The following PIAS2 variants were observed in gnomAD, a reference collection of about 807,000 sequenced individuals.
PIAS2 encodes the protein E3 SUMO-protein ligase PIAS2.
A neutral mutation model predicts 69.7 loss-of-function variants in PIAS2; 19 were observed. The ratio of observed to expected loss-of-function variants is 0.27; its 90% CI spans 0.19 to 0.40. The LOEUF (loss-of-function observed/expected upper bound fraction) is 0.40, where lower values mean the gene tolerates loss of function less well. PIAS2 is among the 10% of genes least tolerant of loss of function. The pLI is 1.00. For missense variants in PIAS2, 624 were observed against 757.0 expected, an observed-to-expected ratio of 0.82 and a Z score of 2.06; for synonymous variants, 261 against 263.2, an observed-to-expected ratio of 0.99 and a Z score of 0.08.
chr18:46,815,693 C>G, intron 12 of PIAS2: 1 of 992,726 alleles, frequency 1.0e-6, no homozygotes, highest in Middle Eastern at 5.0e-4. Flanking sequence ...TTTGAACCAT[C>G]TAAAAAAAAA....
intron 5 of PIAS2, among the ~76,000 whole-genome samples, chr18:46,851,900 A>C (rs2047022625): frequency 6.6e-6 from 1 of 152,214 alleles, no homozygotes; most frequent in African/African-American, 2.4e-5. Context: ...CACCATATTC[A>C]GAGCTCTAAT....
chr18:46,863,273 T>C (rs892084787), intron 3 of PIAS2, among the ~76,000 whole-genome samples: 5 of 152,178 alleles, frequency 3.3e-5, no homozygotes, highest in South Asian at 2.1e-4. Context: ...ATAAAGCTTA[T>C]GGTCACCCTG....
At position 46,855,275 on chromosome 18, in the gene PIAS2, ACT is replaced by A. The variant is rs2047573218; in HGVS notation, c.726+68_726+69del. 5 of 929,780 alleles carry A rather than the reference ACT, an allele frequency of 5.4e-6. 1 individual carries two copies. The highest frequency in any genetic ancestry group is 1.7e-6 in the Non-Finnish European group (1 of 590,630). The allele number at this position is 929,780 out of a possible 1,614,324, so 57.6% of individuals were successfully genotyped here. A position where few individuals can be genotyped will look rare whatever the true frequency, so the allele number is the denominator to read the frequency against. ...ACTGGTATTCAGCTGTCACTGTTGC[ACT>A]GTTTCTAGGCCTTGTCAGTGTTTAT... On this transcript the variant is annotated intron_variant, in intron 5 of 13. Coordinates refer to ENST00000585916, the MANE Select transcript of PIAS2 (RefSeq NM_004671.5).
chr18:46,844,803 T>G lies in PIAS2; in HGVS notation c.898A>C (p.Thr300Pro), dbSNP rs759650098. The stretch of plus-strand genomic sequence containing the variant: ...AATCTCTGTAATAACATGGCTGATG[T>G]AAGCTGCCGTACAAGATATACAGAC... Reference protein sequence around the residue: ...SMSVYLVRQLTSAMLLQRLKM... With the variant: ...SMSVYLVRQLPSAMLLQRLKM... Residue 300 changes from threonine to proline, a missense_variant, in exon 7 of 14, where the codon ACA (threonine) becomes CCA (proline). Around this residue, in one of 3 missense-constraint regions of PIAS2, gnomAD observed 339 missense variants for 408.8 expected, o/e 0.83. Transcript: ENST00000585916. The G allele has an allele frequency of 6.7e-7, 1 of 1,483,914 alleles. No individual in the cohort carries two copies. Among genetic ancestry groups the G allele is most frequent in the South Asian group, 1.5e-5 (1 of 68,926 alleles). The allele number at this position is 1,483,914 out of a possible 1,614,324, so 91.9% of individuals were successfully genotyped here.
chr18:46,818,953 C>G (rs1481826844), intron 12 of PIAS2, among the ~76,000 whole-genome samples: 1 of 151,968 alleles, frequency 6.6e-6, no homozygotes, highest in Admixed American at 6.6e-5. Flanking sequence ...TTGCACATTT[C>G]TAAAAAGAAA....
intron 2 of PIAS2, among the ~76,000 whole-genome samples, chr18:46,878,242 G>A (rs764852128): frequency 6.6e-6 from 1 of 152,106 alleles, no homozygotes; most frequent in Non-Finnish European, 1.5e-5. Flanking sequence ...AGATGGTTTT[G>A]TGGACTAAAT....
intron 2 of PIAS2, among the ~76,000 whole-genome samples, chr18:46,874,432 G>A (rs540139026): frequency 1.4e-4 from 22 of 152,180 alleles, no homozygotes; most frequent in South Asian, 4.2e-4. Context: ...TTCGCTGCAC[G>A]TCATTAAAAA....
chr18:46,854,273 A>G (rs969362119), intron 5 of PIAS2, among the ~76,000 whole-genome samples: 2 of 152,142 alleles, frequency 1.3e-5, no homozygotes, highest in Non-Finnish European at 2.9e-5. Context: ...AGTACTGCTC[A>G]TATATTAGTC....
chr18:46,815,076 T>C (rs527755869), intron 13 of PIAS2, among the ~76,000 whole-genome samples: 3 of 152,304 alleles, frequency 2.0e-5, no homozygotes, highest in Admixed American at 6.5e-5. Flanking sequence ...AGATGCCAAC[T>C]GATTAAGCTA....
At chr18:46,846,677 G>A in intron 6 of PIAS2, 30 bp downstream of exon 6, 2 of 1,594,390 alleles carry the variant, frequency 1.3e-6, no homozygotes, top group Non-Finnish European at 1.7e-6. Flanking sequence ...TGGGGTCACT[G>A]TCCTGCTACC....
intron 2 of PIAS2, among the ~76,000 whole-genome samples, chr18:46,871,356 G>T (rs1032272083): frequency 2.6e-5 from 4 of 152,116 alleles, no homozygotes; most frequent in Non-Finnish European, 5.9e-5. Flanking sequence ...GGGCTACAGG[G>T]GGCCAAAGCT....
chr18:46,808,387 G>A lies in PIAS2; in HGVS notation c.*4046C>T, dbSNP rs1023840271. On this transcript the variant is annotated 3_prime_UTR_variant, in exon 14 of 14. Coordinates refer to ENST00000585916, the MANE Select transcript of PIAS2 (RefSeq NM_004671.5). ...AAACAAACATTATTCAACCAGGCAA[G>A]CATTAAAGAATGGACATTGGGTACA... The A allele has an allele frequency of 4.6e-5, 7 of 152,176 alleles. No individual in the cohort carries two copies. Among genetic ancestry groups the A allele is most frequent in the African/African-American group, 1.7e-4 (7 of 41,436 alleles). 9.4% of individuals were successfully genotyped at this position (152,176 alleles called of 1,614,324 possible). A position where few individuals can be genotyped will look rare whatever the true frequency, so the allele number is the denominator to read the frequency against.
At chr18:46,876,276 C>A (rs890131926) in intron 2 of PIAS2, among the ~76,000 whole-genome samples, 3 of 152,186 alleles carry the variant, frequency 2.0e-5, no homozygotes, top group African/African-American at 7.2e-5. Context: ...TTGACCCTCA[C>A]GTTTATATAG....
At position 46,829,754 on chromosome 18, in the gene PIAS2, T is replaced by G; in HGVS notation, c.1316A>C (p.Gln439Pro). The G allele has an allele frequency of 6.2e-7, 1 of 1,613,554 alleles. No homozygotes were observed. ...PKKEAMKVSS[Q>P]PCTKIESSSV... ...CATACTTTCTATTTTTGTACACGGTTGGCTGGATACTTTCATAGCTTCTTT... is the reference window on the plus strand; with the variant it reads ...CATACTTTCTATTTTTGTACACGGTGGGCTGGATACTTTCATAGCTTCTTT... Residue 439 changes from glutamine to proline, a missense_variant, in exon 10 of 14, where the codon CAA becomes CCA. This residue lies in a region of PIAS2 where 241 missense variants were observed against 257.3 expected (regional missense o/e 0.94). Transcript: ENST00000585916.
At chr18:46,882,508 A>C (rs536193588) in intron 2 of PIAS2, among the ~76,000 whole-genome samples, 1 of 152,362 alleles carries the variant, frequency 6.6e-6, no homozygotes, top group East Asian at 1.9e-4. Context: ...ATTTTGACCC[A>C]ACAACTTCAC....
rs2041046398 is a variant in PIAS2 at position 46,812,198 on chromosome 18, T to G, written c.*235A>C. 2.7e-6 allele frequency: 1 copy of G among 375,572 alleles called. No homozygotes were observed. Among genetic ancestry groups the G allele is most frequent in the Admixed American group, 4.1e-5 (1 of 24,244 alleles). 23.3% of individuals were successfully genotyped at this position (375,572 alleles called of 1,614,324 possible). On this transcript the variant is annotated 3_prime_UTR_variant, in exon 14 of 14. Transcript: ENST00000585916. ...AAATCCATCTCTCAGGAAGATACAG[T>G]TATGGTTGAATGTATCTGATGCTGA...
In PIAS2 at chr18:46,822,170, A is replaced by G. The variant is rs116007544; in HGVS notation, c.1509-1098T>C. 5.3e-4 allele frequency among the ~76,000 whole-genome samples: 81 copies of G among 152,320 alleles called. 1 individual carries two copies. Among genetic ancestry groups the G allele is most frequent in the African/African-American group, 1.8e-3 (74 of 41,582 alleles). On this transcript the variant is annotated intron_variant, in intron 11 of 13. Transcript: ENST00000585916. ...CATGACATTCTTTGTACTCTGGAAA[A>G]CTATTTCATAACCTCAATTTAAATG...
chr18:46,908,891 C>T (rs953411849), intron 1 of PIAS2, among the ~76,000 whole-genome samples: 12 of 152,102 alleles, frequency 7.9e-5, no homozygotes, highest in African/African-American at 2.9e-4. Flanking sequence ...TACCTGTAAT[C>T]CCAGCTACTC....
chr18:46,912,366 T>C (rs1427430877), intron 1 of PIAS2, among the ~76,000 whole-genome samples: 1 of 152,208 alleles, frequency 6.6e-6, no homozygotes, highest in Non-Finnish European at 1.5e-5. Context: ...GCAAATGCTA[T>C]GAAATGGTTG....
Sources: allele counts gnomAD v4.1 joint callset (sites outside exome capture counted in the v4.1 genomes callset), GRCh38; gene constraint gnomAD v4.1.1; regional missense constraint gnomAD v4.1.1; transcripts MANE v1.5; gene names NCBI Gene and HGNC (gene_info 2026-07-23, HGNC 2026-07-21).